AGBL4: variants seen among roughly 807,000 people sequenced by gnomAD.
The protein encoded by AGBL4 is AGBL carboxypeptidase 4, also known as cytosolic carboxypeptidase 6.
In AGBL4, 58 loss-of-function variants were observed where a neutral mutation model predicts 66.4. The observed-to-expected ratio is 0.87, with a 90% CI of 0.71 to 1.09. The LOEUF (loss-of-function observed/expected upper bound fraction) is 1.09. AGBL4 is among the 50% of genes least tolerant of loss of function. AGBL4 has a pLI of 0.00. For missense variants in AGBL4, 579 were observed against 631.0 expected (o/e 0.92, Z 0.88); for synonymous variants, 234 against 222.9 (o/e 1.05, Z -0.44).
At chr1:49,825,761 C>G (rs907158000) in intron 2 of AGBL4, among the ~76,000 whole-genome samples, 4 of 152,044 alleles carry the variant, frequency 2.6e-5, no homozygotes, top group African/African-American at 9.7e-5. Context: ...ACTGGCTCTT[C>G]CCTGGATCTC....
chr1:49,948,560 T>TAAAAAA (rs1334516996), intron 1 of AGBL4, among the ~76,000 whole-genome samples: 96 of 100,828 alleles, frequency 9.5e-4, no homozygotes, highest in African/African-American at 3.2e-3. Flanking sequence ...TATAAATATA[T>TAAAAAA]AAAAATATAT....
intron 11 of AGBL4, chr1:48,584,086 A>G (rs11205510): frequency 0.053 from 8,063 of 152,142 alleles, 246 homozygotes; most frequent in South Asian, 0.082. Context: ...GCCACTCCCA[A>G]ATAGTCAATT....
chr1:49,288,781 C>G (rs1279107414), intron 3 of AGBL4, among the ~76,000 whole-genome samples: 1 of 152,136 alleles, frequency 6.6e-6, no homozygotes, highest in Admixed American at 6.5e-5. Flanking sequence ...GGGCTATGCC[C>G]TTGGAGTAAG....
chr1:49,568,033 G>T (rs1383345810), intron 3 of AGBL4, among the ~76,000 whole-genome samples: 2 of 152,082 alleles, frequency 1.3e-5, no homozygotes, highest in Non-Finnish European at 2.9e-5. Flanking sequence ...AAAGCTGGAC[G>T]AATTCCATTG....
chr1:48,778,297 C>T (rs1645190632), intron 6 of AGBL4, among the ~76,000 whole-genome samples: 1 of 152,160 alleles, frequency 6.6e-6, no homozygotes, highest in African/African-American at 2.4e-5. Context: ...AAGATAAACA[C>T]CTGGATTCTT....
chr1:48,829,554 G>T (rs1470766002), intron 6 of AGBL4, among the ~76,000 whole-genome samples: 1 of 152,018 alleles, frequency 6.6e-6, no homozygotes, highest in Non-Finnish European at 1.5e-5. Flanking sequence ...TGAAGGAGGG[G>T]ATCAAAAAGG....
At chr1:49,911,743 C>A (rs937316535) in intron 1 of AGBL4, among the ~76,000 whole-genome samples, 2 of 152,190 alleles carry the variant, frequency 1.3e-5, no homozygotes, top group African/African-American at 4.8e-5. Flanking sequence ...AGAGGCTTGG[C>A]TACAGTCCCA....
At chr1:49,696,338 G>C (rs944522913) in intron 3 of AGBL4, among the ~76,000 whole-genome samples, 8 of 151,850 alleles carry the variant, frequency 5.3e-5, no homozygotes, top group African/African-American at 1.9e-4. Flanking sequence ...TGAAAAATAG[G>C]ATTCGAAAGT....
intron 2 of AGBL4, among the ~76,000 whole-genome samples, chr1:49,799,015 C>T (rs1310415221): frequency 1.3e-5 from 2 of 152,082 alleles, no homozygotes; most frequent in African/African-American, 4.8e-5. Flanking sequence ...ACCATCCACT[C>T]TCCATTAGCC....
At chr1:48,575,232 C>T (rs546254176) in intron 11 of AGBL4, among the ~76,000 whole-genome samples, 5 of 152,098 alleles carry the variant, frequency 3.3e-5, no homozygotes, top group Non-Finnish European at 5.9e-5. Context: ...TAGGAGATAT[C>T]CCAAACTTCT....
At chr1:49,570,725 C>T (rs746212934) in intron 3 of AGBL4, among the ~76,000 whole-genome samples, 73 of 151,990 alleles carry the variant, frequency 4.8e-4, no homozygotes, top group Non-Finnish European at 9.9e-4. Flanking sequence ...TCATGTCTTA[C>T]ATTTAAGCAT....
At chr1:48,534,333 A>G in intron 13 of AGBL4, 40 bp from the exon 14 acceptor site, 1 of 1,525,254 alleles carries the variant, frequency 6.6e-7, no homozygotes, top group Non-Finnish European at 8.8e-7. Flanking sequence ...AAGACAGCCC[A>G]TATACACACT....
intron 2 of AGBL4, among the ~76,000 whole-genome samples, chr1:49,733,965 A>G (rs541661893): frequency 6.6e-6 from 1 of 152,330 alleles, no homozygotes; most frequent in Admixed American, 6.5e-5. Flanking sequence ...CCAAGGATGC[A>G]ACATTGGTTT....
intron 6 of AGBL4, among the ~76,000 whole-genome samples, chr1:48,751,523 C>G (rs955263577): frequency 2.1e-4 from 32 of 152,188 alleles, no homozygotes; most frequent in African/African-American, 7.5e-4. Flanking sequence ...CCTGTTTTAT[C>G]CACTGCTGAG....
At position 49,470,168 on chromosome 1, in the gene AGBL4, C is replaced by T. The variant is rs183527154; in HGVS notation, c.283-224304G>A. On this transcript the variant is annotated intron_variant, in intron 3 of 13. Transcript: ENST00000371839. ...TATAACATCATCCACAGATGAAACA[C>T]TTTTCCAGAAAACAGAATTTATTTA... 3.6e-4 allele frequency among the ~76,000 whole-genome samples: 54 copies of T among 152,028 alleles called. 1 individual carries two copies. Among genetic ancestry groups the T allele is most frequent in the African/African-American group, 1.3e-3 (53 of 41,534 alleles).
At chr1:49,534,036 A>G (rs1179095459) in intron 3 of AGBL4, among the ~76,000 whole-genome samples, 3 of 152,120 alleles carry the variant, frequency 2.0e-5, no homozygotes, top group Non-Finnish European at 4.4e-5. Flanking sequence ...TACTCTATCA[A>G]CTTTCTAAGT....
intron 5 of AGBL4, among the ~76,000 whole-genome samples, chr1:49,020,594 G>C (rs758521738): frequency 2.0e-5 from 3 of 152,134 alleles, no homozygotes; most frequent in Admixed American, 1.3e-4. Flanking sequence ...TGCATGGCAG[G>C]GGGTGTCCTG....
At chr1:48,769,178 A>G (rs189868970) in intron 6 of AGBL4, among the ~76,000 whole-genome samples, 32 of 152,268 alleles carry the variant, frequency 2.1e-4, no homozygotes, top group Non-Finnish European at 2.2e-4. Context: ...CAGCTGTGTA[A>G]TGTAGGGTAA....
intron 3 of AGBL4, among the ~76,000 whole-genome samples, chr1:49,524,762 C>T (rs1286749027): frequency 6.6e-6 from 1 of 151,964 alleles, no homozygotes; most frequent in Non-Finnish European, 1.5e-5. Flanking sequence ...CTTTGTAACA[C>T]CATAATAATT....
Sources: allele counts gnomAD v4.1 joint callset (sites outside exome capture counted in the v4.1 genomes callset), GRCh38; gene constraint gnomAD v4.1.1; transcripts MANE v1.5; gene names NCBI Gene and HGNC (gene_info 2026-07-23, HGNC 2026-07-21).